FGF14: variants seen among roughly 807,000 people sequenced by gnomAD.
The protein encoded by FGF14 is fibroblast growth factor 14, also known as fibroblast growth factor homologous factor 4.
FGF14 carries 5 observed loss-of-function variants against 25.5 expected under a neutral mutation model. That is an observed-to-expected ratio of 0.20 (90% CI 0.10 to 0.41). FGF14 has a LOEUF of 0.41. Among genes scored for constraint, FGF14 ranks in the 10% least tolerant of loss-of-function variants. The pLI, the probability that FGF14 is intolerant of heterozygous loss-of-function variation, is 1.00. For synonymous variants in FGF14, 138 were observed against 118.3 expected (o/e 1.17, Z -1.08); for missense variants, 222 against 320.1 (o/e 0.69, Z 2.34).
chr13:101,953,278 T>G (rs1221851834), intron 1 of FGF14, among the ~76,000 whole-genome samples: 1 of 152,100 alleles, frequency 6.6e-6, no homozygotes, highest in Non-Finnish European at 1.5e-5. Flanking sequence ...TCTTCTGACT[T>G]TTTTCTGTTT....
chr13:101,860,041 C>T (rs1269774464), intron 3 of FGF14, among the ~76,000 whole-genome samples: 2 of 152,062 alleles, frequency 1.3e-5, no homozygotes, highest in African/African-American at 4.8e-5. Context: ...ATGCTCTTGT[C>T]ATGCCCTTCA....
At chr13:101,840,140 CTGA>C (rs1379018934) in intron 3 of FGF14, among the ~76,000 whole-genome samples, 4 of 151,800 alleles carry the variant, frequency 2.6e-5, no homozygotes, top group African/African-American at 2.4e-5. Flanking sequence ...AAGTGGACAC[CTGA>C]TGATATTTCA....
chr13:101,820,723 A>T (rs185528358), intron 3 of FGF14, among the ~76,000 whole-genome samples: 1 of 151,966 alleles, frequency 6.6e-6, no homozygotes, highest in East Asian at 1.9e-4. Flanking sequence ...CACATATTAA[A>T]CTGCCCAAGT....
chr13:102,104,311 G>A (rs2044801177), intron 1 of FGF14, among the ~76,000 whole-genome samples: 1 of 152,252 alleles, frequency 6.6e-6, no homozygotes, highest in East Asian at 1.9e-4. Context: ...AATATCTTCA[G>A]AACAATGACC....
chr13:102,273,722 T>C (rs749586947), intron 1 of FGF14, among the ~76,000 whole-genome samples: 4 of 152,120 alleles, frequency 2.6e-5, no homozygotes, highest in Non-Finnish European at 5.9e-5. Flanking sequence ...TTCTTTTCTC[T>C]TTCTACAGGT....
At chr13:102,003,551 T>A (rs966323515) in intron 1 of FGF14, among the ~76,000 whole-genome samples, 2 of 152,182 alleles carry the variant, frequency 1.3e-5, no homozygotes, top group African/African-American at 4.8e-5. Context: ...CAAGATAAGC[T>A]TAGTTTCTTA....
intron 1 of FGF14, among the ~76,000 whole-genome samples, chr13:102,161,665 A>AT (rs773723846): frequency 0.069 from 2,967 of 42,998 alleles, 230 homozygotes; most frequent in African/African-American, 0.12. Context: ...GAAGAAGAAG[A>AT]AGAAGAAGAA....
At chr13:102,390,401 G>C (rs1451438204) in intron 1 of FGF14, among the ~76,000 whole-genome samples, 2 of 152,208 alleles carry the variant, frequency 1.3e-5, no homozygotes, top group Admixed American at 6.5e-5. Context: ...ATATATCACA[G>C]TCCCTTTTAG....
chr13:101,989,015 G>A (rs1012888081), intron 1 of FGF14, among the ~76,000 whole-genome samples: 3 of 151,922 alleles, frequency 2.0e-5, no homozygotes, highest in Non-Finnish European at 2.9e-5. Context: ...TGAATTTTCA[G>A]GTTGCTTGAG....
At chr13:102,123,681 A>G (rs2045831290) in intron 1 of FGF14, among the ~76,000 whole-genome samples, 1 of 152,098 alleles carries the variant, frequency 6.6e-6, no homozygotes, top group African/African-American at 2.4e-5. Flanking sequence ...AAGTTTTTCT[A>G]TTAGAGATAG....
intron 1 of FGF14, among the ~76,000 whole-genome samples, chr13:102,230,468 A>G (rs1336381181): frequency 6.6e-6 from 1 of 152,176 alleles, no homozygotes; most frequent in African/African-American, 2.4e-5. Flanking sequence ...TTAGAGCTCC[A>G]TAAAAGGTAT....
chr13:102,050,898 C>T lies in FGF14; in HGVS notation c.209-175602G>A, dbSNP rs557098631. Among the ~76,000 whole-genome samples the T allele has an allele frequency of 1.5e-3, 229 of 152,334 alleles. 3 individuals are homozygous for T. The highest frequency in any genetic ancestry group is 5.2e-3 in the African/African-American group (216 of 41,574). On this transcript the variant is annotated intron_variant, in intron 1 of 4. Transcript: ENST00000376131. ...ACCTATCAATATCAGCCCATGGTCT[C>T]ATCTGCAGAGGATACTGGCATATCT... is the stretch of plus-strand genomic sequence containing the variant.
At chr13:102,292,776 A>G (rs1021375376) in intron 1 of FGF14, 10 of 152,216 alleles carry the variant, frequency 6.6e-5, no homozygotes, top group African/African-American at 2.4e-4. Context: ...ATTAGACACA[A>G]TGAATGACAA....
At chr13:101,839,252 T>G (rs1029233301) in intron 3 of FGF14, among the ~76,000 whole-genome samples, 1 of 152,072 alleles carries the variant, frequency 6.6e-6, no homozygotes, top group African/African-American at 2.4e-5. Flanking sequence ...GAATGCAAAG[T>G]TAGGGTCTCT....
At chr13:101,858,996 C>T (rs1410993892) in intron 3 of FGF14, among the ~76,000 whole-genome samples, 5 of 152,126 alleles carry the variant, frequency 3.3e-5, no homozygotes, top group African/African-American at 9.7e-5. Context: ...CGTTGAACAT[C>T]TGCCTCTGTG....
chr13:101,938,411 A>T (rs930974814), intron 1 of FGF14, among the ~76,000 whole-genome samples: 3 of 152,206 alleles, frequency 2.0e-5, no homozygotes, highest in African/African-American at 7.2e-5. Flanking sequence ...TCATGAAATT[A>T]GTGTTTATAA....
chr13:101,879,508 C>A lies in FGF14; in HGVS notation c.194-4212G>T, dbSNP rs575476442. On this transcript the variant is annotated intron_variant, in intron 1 of 4. Transcript: ENST00000376143. ...GAAATGAGTTCAATTAAATTAAACA[C>A]CGTCATAAATGGTTTTCATGCAATG... is the stretch of plus-strand genomic sequence containing the variant. Among the ~76,000 whole-genome samples, 8 of 152,170 alleles carry A rather than the reference C, an allele frequency of 5.3e-5. No homozygotes were observed. The East Asian group carries it at 1.5e-3, about 29-fold the overall frequency.
chr13:102,193,620 T>G (rs771179145), intron 1 of FGF14, among the ~76,000 whole-genome samples: 3 of 151,786 alleles, frequency 2.0e-5, no homozygotes, highest in African/African-American at 7.3e-5. Flanking sequence ...ACTGGGAGAG[T>G]TGCTCGTTCA....
At position 101,939,221 on chromosome 13, in the gene FGF14, T is replaced by C. The variant is rs1248235539; in HGVS notation, c.209-63925A>G. On this transcript the variant is annotated intron_variant, in intron 1 of 4. Coordinates refer to the FGF14 transcript ENST00000376131. The stretch of plus-strand genomic sequence containing the variant: ...ATACTTTCTCATTCCAGAGAAACAA[T>C]TGTTCAATACAATCTGTGCGTTTCA... Among the ~76,000 whole-genome samples the C allele has an allele frequency of 7.2e-5, 11 of 152,340 alleles. No homozygotes were observed. The South Asian group carries it at 1.4e-3, about 20-fold the overall frequency.
Sources: allele counts gnomAD v4.1 joint callset (sites outside exome capture counted in the v4.1 genomes callset), GRCh38; gene constraint gnomAD v4.1.1; transcripts MANE v1.5; gene names NCBI Gene and HGNC (gene_info 2026-07-23, HGNC 2026-07-21).